The following TAMM41 variants were observed in gnomAD, a reference collection of about 807,000 sequenced individuals.
The protein encoded by TAMM41 is phosphatidate cytidylyltransferase, mitochondrial.
A neutral mutation model predicts 44.1 loss-of-function variants in TAMM41; 36 were observed. That is an observed-to-expected ratio of 0.82 (90% CI 0.63 to 1.08). The LOEUF (loss-of-function observed/expected upper bound fraction) is 1.08. Ranked by LOEUF, TAMM41 falls within the 50% of genes least tolerant of loss-of-function variation. TAMM41 has a pLI of 0.00. For synonymous variants in TAMM41, 164 were observed against 153.1 expected, an observed-to-expected ratio of 1.07 and a Z score of -0.53; for missense variants, 417 against 404.3, an observed-to-expected ratio of 1.03 and a Z score of -0.27.
rs750667500 is a variant in TAMM41 at position 11,846,506 on chromosome 3, T to A, written c.131A>T (p.Gln44Leu). Residue 44 changes from glutamine (Q) to leucine (L), a missense_variant, in exon 1 of 8, where the codon CAG becomes CTG. Physicochemically the swap from Gln to Leu is moderately radical, Grantham distance 113 (BLOSUM62 -2). Coordinates refer to ENST00000455809, the MANE Select transcript of TAMM41 (RefSeq NM_001284401.2). ...VYRQAGPSSD[Q>L]KNAMLDFVFT... Reference sequence around the variant, plus strand: ...CGTGGGGCTGCCCGGGCTCACCTTCTGGTCTGAACTCGGCCCTGCCTGGCG... The same window carrying A: ...CGTGGGGCTGCCCGGGCTCACCTTCAGGTCTGAACTCGGCCCTGCCTGGCG... 11 of 1,614,066 alleles carry A rather than the reference T, an allele frequency of 6.8e-6. No individual in the cohort carries two copies. The Admixed American group carries it at 1.7e-4, about 24-fold the overall frequency.
chr3:11,843,931 A>T, intron 2 of TAMM41, 98 bp downstream of exon 2: 1 of 1,254,084 alleles, frequency 8.0e-7, no homozygotes, highest in South Asian at 1.4e-5. Flanking sequence ...CAGGAGTGTG[A>T]ATGTTTCCTG....
chr3:11,799,328 T>C (rs1422404936), intron 7 of TAMM41, among the ~76,000 whole-genome samples: 1 of 152,218 alleles, frequency 6.6e-6, no homozygotes, highest in African/African-American at 2.4e-5. Context: ...TAATTATTCC[T>C]ATGAAGTTAA....
At chr3:11,727,039 T>TAATCTAA in the TAMM41 span, among the ~76,000 whole-genome samples, 1 of 152,088 alleles carries the variant, frequency 6.6e-6, no homozygotes, top group Non-Finnish European at 1.5e-5. Context: ...AAAATAATAA[T>TAATCTAA]AATAACTAAT....
intron 7 of TAMM41, among the ~76,000 whole-genome samples, chr3:11,795,084 G>T (rs2077572959): frequency 6.6e-6 from 1 of 152,158 alleles, no homozygotes; most frequent in African/African-American, 2.4e-5. Context: ...AGAGGATAAT[G>T]ACTAATCCAT....
At chr3:11,803,932 T>C (rs2077828336) in intron 7 of TAMM41, among the ~76,000 whole-genome samples, 1 of 151,988 alleles carries the variant, frequency 6.6e-6, no homozygotes, top group Non-Finnish European at 1.5e-5. Flanking sequence ...CTATAAAAAG[T>C]GTGAGGGTGG....
At chr3:11,786,090 G>C (rs538985713), downstream of TAMM41, among the ~76,000 whole-genome samples, 1 of 152,036 alleles carries the variant, frequency 6.6e-6, no homozygotes, top group Non-Finnish European at 1.5e-5. Flanking sequence ...ACAGAGTCTC[G>C]CTCTGGTGCC....
chr3:11,794,642 A>C (rs941581841), intron 7 of TAMM41, among the ~76,000 whole-genome samples: 1 of 152,214 alleles, frequency 6.6e-6, no homozygotes, highest in Admixed American at 6.5e-5. Flanking sequence ...CTATGTCACT[A>C]TATGGCTCCT....
intron 7 of TAMM41, among the ~76,000 whole-genome samples, chr3:11,796,262 T>G (rs1223117072): frequency 1.3e-5 from 2 of 152,166 alleles, no homozygotes; most frequent in Admixed American, 1.3e-4. Context: ...AGATCTACAT[T>G]CATCTAAATT....
chr3:11,726,800 C>CAAAA, the TAMM41 span, among the ~76,000 whole-genome samples: 2 of 93,090 alleles, frequency 2.1e-5, no homozygotes, highest in African/African-American at 7.0e-5. Flanking sequence ...GACTCTGTCT[C>CAAAA]AAAAAAAAAA....
chr3:11,829,153 T>C (rs1267897851), intron 4 of TAMM41, among the ~76,000 whole-genome samples: 1 of 152,158 alleles, frequency 6.6e-6, no homozygotes, highest in Non-Finnish European at 1.5e-5. Flanking sequence ...ATAGTATGTT[T>C]ACACATACAG....
At chr3:11,836,153 GTTAA>G (rs2079166714) in intron 3 of TAMM41, among the ~76,000 whole-genome samples, 1 of 152,020 alleles carries the variant, frequency 6.6e-6, no homozygotes, top group South Asian at 2.1e-4. Flanking sequence ...GCAACGCCCA[GTTAA>G]TTATTGTATT....
the TAMM41 span, among the ~76,000 whole-genome samples, chr3:11,782,029 C>A: frequency 6.6e-6 from 1 of 150,844 alleles, no homozygotes; most frequent in Non-Finnish European, 1.5e-5. Context: ...GCAATGACAC[C>A]AGGTGTCTTT....
chr3:11,725,520 C>A, the TAMM41 span, among the ~76,000 whole-genome samples: 1 of 151,864 alleles, frequency 6.6e-6, no homozygotes, highest in African/African-American at 2.4e-5. Flanking sequence ...CTCACTGCAG[C>A]CTTAACCTCC....
chr3:11,803,858 T>C (rs1002052243), intron 7 of TAMM41, among the ~76,000 whole-genome samples: 1 of 152,220 alleles, frequency 6.6e-6, no homozygotes, highest in Non-Finnish European at 1.5e-5. Context: ...TCACATGTTC[T>C]CACTTTAAGT....
At chr3:11,735,649 A>C in the TAMM41 span, among the ~76,000 whole-genome samples, 1 of 152,148 alleles carries the variant, frequency 6.6e-6, no homozygotes, top group African/African-American at 2.4e-5. Flanking sequence ...AGGAAACAAA[A>C]AAGAAAGTAA....
rs1173069725 is a variant in TAMM41, at chr3:11,817,258, C to T, written c.642G>A (p.Glu214=). Reference sequence around the variant, plus strand: ...TTTCCTGTAGTATGCTGCCATAGAGCTCTCGAAAGTGGGCTATATTGGGCT... The same window carrying T: ...TTTCCTGTAGTATGCTGCCATAGAGTTCTCGAAAGTGGGCTATATTGGGCT... ...IVKPNIAHFR[E]LYGSILQENP... The change falls in exon 5 of 8, where the codon GAG becomes GAA. Residue 214 remains glutamate, a synonymous_variant. Transcript: ENST00000455809. 1 of 1,613,464 alleles carries T rather than the reference C, an allele frequency of 6.2e-7. No individual in the cohort carries two copies. The highest frequency in any genetic ancestry group is 1.3e-5 in the African/African-American group (1 of 74,932).
chr3:11,846,568 C>CAA lies in TAMM41; in HGVS notation c.68_69insTT (p.Glu23AspfsTer3), dbSNP rs1559338727. 2 of 1,614,244 alleles carry CAA rather than the reference C, an allele frequency of 1.2e-6. No homozygotes were observed. The highest frequency in any genetic ancestry group is 1.1e-5 in the South Asian group (1 of 91,090). On this transcript the variant is annotated frameshift_variant, in exon 1 of 8. Transcript: ENST00000455809. LOFTEE classifies it high-confidence loss of function. ...AGCCGTAGACGAAAGCCAGACTCAG[C>CAA]TCCTCGGGGAAGTGAGACAGGATCT...
chr3:11,757,388 C>T, the TAMM41 span, among the ~76,000 whole-genome samples: 9 of 152,268 alleles, frequency 5.9e-5, no homozygotes, highest in East Asian at 1.9e-4. Flanking sequence ...AGTCCAGGGG[C>T]GGCCGTCTCC....
chr3:11,809,430 A>C, intron 6 of TAMM41, 87 bp downstream of exon 6: 1 of 1,507,314 alleles, frequency 6.6e-7, no homozygotes, highest in Non-Finnish European at 9.0e-7. Context: ...GCTAAACAAA[A>C]AGGAAGAAAT....
Sources: gnomAD v4.1 joint callset for allele counts (sites outside exome capture counted in the v4.1 genomes callset) on GRCh38, gnomAD v4.1.1 for gene constraint, MANE v1.5 for transcripts, NCBI Gene and HGNC (gene_info 2026-07-23, HGNC 2026-07-21) for gene names.